GSTA1: variants seen among roughly 807,000 people sequenced by gnomAD.
GSTA1 encodes glutathione S-transferase A1.
GSTA1 carries 23 observed loss-of-function variants against 21.5 expected under a neutral mutation model. That is an observed-to-expected ratio of 1.07 (90% CI 0.77 to 1.52). The LOEUF is 1.52. Ranked by LOEUF, GSTA1 falls within the 40% of genes most tolerant of loss-of-function variation. GSTA1 has a pLI of 0.00. For synonymous variants in GSTA1, 125 were observed against 90.0 expected (o/e 1.39, Z -2.20); for missense variants, 301 against 264.2 (o/e 1.14, Z -0.96).
At chr6:52,795,166 C>T (rs1229805650) in intron 4 of GSTA1, among the ~76,000 whole-genome samples, 1 of 152,190 alleles carries the variant, frequency 6.6e-6, no homozygotes, top group Non-Finnish European at 1.5e-5. Flanking sequence ...AATCTACTTT[C>T]TACCTCTATG....
At chr6:52,795,479 A>T (rs1763555203) in intron 4 of GSTA1, among the ~76,000 whole-genome samples, 1 of 152,156 alleles carries the variant, frequency 6.6e-6, no homozygotes, top group African/African-American at 2.4e-5. Context: ...TTGGGGATAT[A>T]CCTGTTAGAG....
intron 4 of GSTA1, among the ~76,000 whole-genome samples, chr6:52,795,896 A>G (rs2127302854): frequency 6.6e-6 from 1 of 152,234 alleles, no homozygotes; most frequent in Middle Eastern, 3.4e-3. Flanking sequence ...ACCTGGAATC[A>G]TGATTCCCCA....
chr6:52,801,729 C>T (rs983051497), intron 1 of GSTA1, among the ~76,000 whole-genome samples: 1 of 152,168 alleles, frequency 6.6e-6, no homozygotes, highest in African/African-American at 2.4e-5. Context: ...AAGGATTTGC[C>T]ATGGGTCACA....
chr6:52,801,708 C>T (rs535339995), intron 1 of GSTA1, among the ~76,000 whole-genome samples: 1 of 152,288 alleles, frequency 6.6e-6, no homozygotes, highest in East Asian at 1.9e-4. Context: ...AAAATGAGAA[C>T]CAGAGAGCTC....
intron 6 of GSTA1, 179 bp downstream of exon 6, chr6:52,792,677 T>C (rs1277360850): frequency 6.7e-7 from 1 of 1,502,616 alleles, no homozygotes; most frequent in Non-Finnish European, 8.9e-7. Flanking sequence ...CAGATTTCCT[T>C]TCCATAACAA....
chr6:52,796,863 C>T (rs1406726627), intron 3 of GSTA1, among the ~76,000 whole-genome samples: 1 of 151,924 alleles, frequency 6.6e-6, no homozygotes, highest in African/African-American at 2.4e-5. Context: ...TAAAAAGCTT[C>T]CTGTAGTTCT....
intron 5 of GSTA1, 41 bp downstream of exon 5, chr6:52,794,084 T>G (rs111864585): frequency 8.7e-6 from 14 of 1,612,074 alleles, no homozygotes; most frequent in African/African-American, 1.3e-5. Context: ...TCTATTGGCC[T>G]CTAAACTCAG....
chr6:52,792,898 C>G lies in GSTA1; in HGVS notation c.504G>C (p.Glu168Asp), dbSNP rs3209670. 1 of 1,613,972 alleles carries G rather than the reference C, an allele frequency of 6.2e-7. No homozygotes were observed. The highest frequency in any genetic ancestry group is 1.3e-5 in the African/African-American group (1 of 74,880). Residue 168 changes from glutamate (E) to aspartate (D), a missense_variant, in exon 6 of 7, where the codon GAG becomes GAC. Glu to Asp is a conservative substitution (Grantham distance 45, BLOSUM62 2). Coordinates refer to ENST00000334575, the MANE Select transcript of GSTA1 (RefSeq NM_145740.5). ...IHLVELLYYV[E>D]ELDSSLISSF... Reference sequence around the variant, plus strand: ...TGGAGATAAGACTGGAGTCAAGCTCCTCGACGTAGTAGAGAAGTTCCACCA... The same window carrying G: ...TGGAGATAAGACTGGAGTCAAGCTCGTCGACGTAGTAGAGAAGTTCCACCA...
rs769106099 is a variant in GSTA1, at chr6:52,799,200, A to T, written c.68T>A (p.Leu23Gln). The T allele has an allele frequency of 1.2e-6, 2 of 1,613,950 alleles. No individual in the cohort carries two copies. The highest frequency in any genetic ancestry group is 8.5e-7 in the Non-Finnish European group (1 of 1,179,856). ...RGRMESTRWL[L>Q]AAAGVEFEEK... is the part of the protein sequence containing the mutation. ...ACCTACCTCTACTCCAGCTGCAGCC[A>T]GGAGCCACCGGGTGGACTCCATTCT... The change falls in exon 2 of 7, where the codon CTG becomes CAG. Residue 23 changes from leucine (L) to glutamine (Q), a missense_variant. Transcript: ENST00000334575.
At chr6:52,795,435 G>A (rs183082053) in intron 4 of GSTA1, among the ~76,000 whole-genome samples, 3 of 152,064 alleles carry the variant, frequency 2.0e-5, no homozygotes, top group African/African-American at 7.2e-5. Flanking sequence ...ATTTATTTAT[G>A]TAAAATATAT....
intron 5 of GSTA1, among the ~76,000 whole-genome samples, chr6:52,793,770 G>C (rs939824284): frequency 2.0e-5 from 3 of 152,106 alleles, no homozygotes; most frequent in African/African-American, 7.2e-5. Context: ...CTGATGGATC[G>C]CTTTCATCAT....
At chr6:52,800,573 G>A (rs1434260533) in intron 1 of GSTA1, among the ~76,000 whole-genome samples, 1 of 152,202 alleles carries the variant, frequency 6.6e-6, no homozygotes, top group Non-Finnish European at 1.5e-5. Flanking sequence ...AAATTGACTG[G>A]GCTCATCAGT....
intron 1 of GSTA1, among the ~76,000 whole-genome samples, chr6:52,799,569 A>T (rs1482496271): frequency 6.6e-6 from 1 of 152,212 alleles, no homozygotes; most frequent in Non-Finnish European, 1.5e-5. Context: ...AAATACATGT[A>T]TAGGAGTTAT....
At chr6:52,793,100 G>A in intron 5 of GSTA1, 113 bp from the exon 6 acceptor site, 2 of 1,452,548 alleles carry the variant, frequency 1.4e-6, no homozygotes, top group Non-Finnish European at 1.9e-6. Flanking sequence ...CTTACTGCAT[G>A]GGTGCAGAAA....
Position 52,797,654 on chromosome 6 carries a change from T to G in GSTA1, c.88-17A>C. On this transcript the variant is annotated splice_polypyrimidine_tract_variant and intron_variant, in intron 2 of 6. Coordinates refer to ENST00000334575, the MANE Select transcript of GSTA1 (RefSeq NM_145740.5). ...CTCTTCAAACTGGAAGCAGAAACAG[T>G]AAATACGTTCTTGTTAGTTCATTCT... The G allele has an allele frequency of 2.5e-6, 4 of 1,596,070 alleles. No homozygotes were observed. Among genetic ancestry groups the G allele is most frequent in the Non-Finnish European group, 3.4e-6 (4 of 1,164,212 alleles).
At chr6:52,793,079 A>G in intron 5 of GSTA1, 92 bp from the exon 6 acceptor site, 1 of 1,576,614 alleles carries the variant, frequency 6.3e-7, no homozygotes, top group Admixed American at 1.7e-5. Flanking sequence ...GACTTTCCCC[A>G]CCTCTGTTGC....
Position 52,796,048 on chromosome 6 carries a change from C to T in GSTA1, c.272+134G>A. The T allele has an allele frequency of 7.7e-6, 10 of 1,305,552 alleles. No homozygotes were observed. In the South Asian group the frequency reaches 1.3e-4, roughly 17 times the overall value. 80.9% of individuals were successfully genotyped at this position (1,305,552 alleles called of 1,614,324 possible). On this transcript the variant is annotated intron_variant, in intron 4 of 6. Coordinates refer to ENST00000334575, the MANE Select transcript of GSTA1 (RefSeq NM_145740.5). ...CTCATCTCCATGGGACTCTGCAATA[C>T]TGGACCTCAGCGTACATGCCCAAGG...
At chr6:52,796,372 A>T (rs1763582631) in intron 3 of GSTA1, 58 bp from the exon 4 acceptor site, 1 of 1,607,210 alleles carries the variant, frequency 6.2e-7, no homozygotes. Flanking sequence ...CCCTTTTGGG[A>T]TGAACAAATG....
rs1277005555 is a variant in GSTA1, at chr6:52,796,287, G to A, written c.167C>T (p.Pro56Leu). Residue 56 changes from proline to leucine, a missense_variant, in exon 4 of 7, where the codon CCA becomes CTA. Pro to Leu is a moderately conservative substitution (Grantham distance 98). Transcript: ENST00000334575. ...CTTCATCCCATCAATCTCAACCATT[G>A]GCACTTGCTGGAACATCAAATATCC... The part of the protein sequence containing the change: ...NDGYLMFQQV[P>L]MVEIDGMKLV... 6.2e-7 allele frequency: 1 copy of A among 1,613,390 alleles called. No individual in the cohort carries two copies. The highest frequency in any genetic ancestry group is 8.5e-7 in the Non-Finnish European group (1 of 1,179,922).
Sources: allele counts gnomAD v4.1 joint callset (sites outside exome capture counted in the v4.1 genomes callset), GRCh38; gene constraint gnomAD v4.1.1; transcripts MANE v1.5; gene names NCBI Gene and HGNC (gene_info 2026-07-23, HGNC 2026-07-21).